Variants in EYS observed in about 807,000 individuals in gnomAD.
EYS encodes protein eyes shut homolog.
In EYS, 250 loss-of-function variants were observed where a neutral mutation model predicts 282.1. That is an observed-to-expected ratio of 0.89 (90% CI 0.80 to 0.98). EYS has a LOEUF of 0.98. Among genes scored for constraint, EYS ranks in the 50% least tolerant of loss-of-function variants. EYS has a pLI of 0.00. For missense variants in EYS, 4,016 were observed against 3,709.0 expected (o/e 1.08, Z -2.15); for synonymous variants, 1,355 against 1,282.9 (o/e 1.06, Z -1.20).
At chr6:65,227,852 T>C (rs1230556629) in intron 12 of EYS, among the ~76,000 whole-genome samples, 5 of 152,120 alleles carry the variant, frequency 3.3e-5, no homozygotes, top group African/African-American at 1.2e-4. Flanking sequence ...TCTACTTATA[T>C]AATGTATAAA....
At chr6:63,957,888 A>G (rs1297214888) in intron 35 of EYS, among the ~76,000 whole-genome samples, 1 of 140,878 alleles carries the variant, frequency 7.1e-6, no homozygotes. Context: ...TATTGACAAC[A>G]TACATTTTCT....
intron 22 of EYS, among the ~76,000 whole-genome samples, chr6:64,774,529 TCTCAATTCAGCAATGGGTCCTA>T (rs566704512): frequency 1.8e-3 from 276 of 152,058 alleles, no homozygotes; most frequent in Admixed American, 5.1e-3. Flanking sequence ...TACACCAGTT[TCTCAATTCAGCAATGGGTCCTA>T]TGTGGATCTG....
At chr6:64,607,811 G>A (rs1446485915) in intron 24 of EYS, among the ~76,000 whole-genome samples, 1 of 152,068 alleles carries the variant, frequency 6.6e-6, no homozygotes, top group Non-Finnish European at 1.5e-5. Context: ...CATGGATATA[G>A]GGTTTGTATT....
chr6:65,324,626 T>C (rs1231723355), intron 11 of EYS, among the ~76,000 whole-genome samples: 1 of 152,114 alleles, frequency 6.6e-6, no homozygotes. Flanking sequence ...AGAGAAAGCA[T>C]AGAGAAAATG....
chr6:64,274,081 C>T (rs1768027617), intron 30 of EYS, among the ~76,000 whole-genome samples: 1 of 152,158 alleles, frequency 6.6e-6, no homozygotes, highest in Admixed American at 6.6e-5. Flanking sequence ...TTCCCAGATC[C>T]CAGCGTATAA....
At chr6:64,675,629 C>A (rs1769631177) in intron 22 of EYS, among the ~76,000 whole-genome samples, 1 of 151,772 alleles carries the variant, frequency 6.6e-6, no homozygotes, top group African/African-American at 2.4e-5. Flanking sequence ...AGGGTTTCAC[C>A]ATGTTGGCTA....
At chr6:64,983,246 T>C (rs1770740791) in intron 14 of EYS, among the ~76,000 whole-genome samples, 4 of 151,260 alleles carry the variant, frequency 2.6e-5, no homozygotes, top group South Asian at 2.1e-4. Flanking sequence ...GACAGAATAA[T>C]GTACAATATG....
At chr6:64,675,697 G>T (rs538010723) in intron 22 of EYS, among the ~76,000 whole-genome samples, 1 of 151,636 alleles carries the variant, frequency 6.6e-6, no homozygotes, top group African/African-American at 2.4e-5. Flanking sequence ...CAAAGTGCTG[G>T]GATTACAGGC....
At chr6:65,367,658 A>T (rs1764966273) in intron 8 of EYS, among the ~76,000 whole-genome samples, 1 of 151,674 alleles carries the variant, frequency 6.6e-6, no homozygotes, top group Non-Finnish European at 1.5e-5. Flanking sequence ...TAAGCTTGCA[A>T]CTCCTTTGGT....
Position 64,082,466 on chromosome 6 carries a change from G to T in EYS, c.6425-464C>A, listed in dbSNP as rs180714433. 4.6e-5 allele frequency among the ~76,000 whole-genome samples: 7 copies of T among 152,136 alleles called. No individual in the cohort carries two copies. In the East Asian group the frequency reaches 1.4e-3, roughly 29 times the overall value. ...TACAATGTATCATAATCACATCAGG[G>T]TCAATGGAGTATCCATCACCTTAAG... On this transcript the variant is annotated intron_variant, in intron 31 of 42. Transcript: ENST00000503581.
intron 1 of EYS, among the ~76,000 whole-genome samples, chr6:65,646,950 T>A (rs1187228204): frequency 6.6e-6 from 1 of 150,612 alleles, no homozygotes; most frequent in African/African-American, 2.5e-5. Flanking sequence ...AAAAAATACC[T>A]AACCAAGAAG....
chr6:65,042,146 G>A (rs562825821), intron 13 of EYS, among the ~76,000 whole-genome samples: 2 of 151,488 alleles, frequency 1.3e-5, no homozygotes, highest in South Asian at 2.1e-4. Context: ...TTTTACTTCT[G>A]GTCTGGGATC....
rs547728330 is a variant in EYS, at chr6:63,852,844, A to G, written c.7228+11342T>C. Among the ~76,000 whole-genome samples the G allele has an allele frequency of 7.9e-5, 12 of 152,320 alleles. No homozygotes were observed. In the South Asian group the frequency reaches 2.5e-3, roughly 32 times the overall value. On this transcript the variant is annotated intron_variant, in intron 36 of 42. Transcript: ENST00000503581. ...TGGTTCTACATATGCAAATCAATAA[A>G]TGTAATCCATCACATAAACAGAACC...
At chr6:65,180,865 A>G (rs916144580) in intron 12 of EYS, among the ~76,000 whole-genome samples, 4 of 152,174 alleles carry the variant, frequency 2.6e-5, no homozygotes, top group African/African-American at 7.2e-5. Context: ...AGAGATATAG[A>G]CCAATGGAAC....
chr6:65,600,987 T>C (rs1765599272), intron 2 of EYS, among the ~76,000 whole-genome samples: 2 of 151,928 alleles, frequency 1.3e-5, no homozygotes, highest in Admixed American at 1.3e-4. Flanking sequence ...TTTATATGAG[T>C]TATTATTTCC....
At chr6:64,999,441 C>A (rs887596725) in intron 13 of EYS, among the ~76,000 whole-genome samples, 2 of 151,942 alleles carry the variant, frequency 1.3e-5, no homozygotes, top group Non-Finnish European at 2.9e-5. Flanking sequence ...AGAGTGTGGT[C>A]CCTTTAAATG....
chr6:63,880,531 T>TATC (rs2149718450), intron 35 of EYS, among the ~76,000 whole-genome samples: 1 of 91,804 alleles, frequency 1.1e-5, no homozygotes, highest in Admixed American at 1.0e-4. Context: ...ATCTATCTAT[T>TATC]CTGTCCCTTT....
chr6:64,325,883 A>G (rs1277379160), intron 29 of EYS, among the ~76,000 whole-genome samples: 1 of 152,144 alleles, frequency 6.6e-6, no homozygotes, highest in African/African-American at 2.4e-5. Flanking sequence ...GAAAACATGA[A>G]AAGTCTCCAA....
chr6:63,830,148 G>A (rs555093675), intron 36 of EYS, among the ~76,000 whole-genome samples: 47 of 152,232 alleles, frequency 3.1e-4, no homozygotes, highest in African/African-American at 5.8e-4. Context: ...TCTAAAAATC[G>A]GAGTGTCTCT....
Sources: gnomAD v4.1 joint callset for allele counts (sites outside exome capture counted in the v4.1 genomes callset) on GRCh38, gnomAD v4.1.1 for gene constraint, MANE v1.5 for transcripts, NCBI Gene and HGNC (gene_info 2026-07-23, HGNC 2026-07-21) for gene names.